Variants in NAV3 observed in about 807,000 individuals in gnomAD.
The protein encoded by NAV3 is pore membrane and/or filament interacting like protein 1.
In NAV3, 87 loss-of-function variants were observed where a neutral mutation model predicts 244.7. The ratio of observed to expected loss-of-function variants is 0.36; its 90% CI spans 0.30 to 0.42. NAV3 has a LOEUF of 0.42. Ranked by LOEUF, NAV3 falls within the 20% of genes least tolerant of loss-of-function variation. NAV3 has a pLI of 1.00. For synonymous variants in NAV3, 1,126 were observed against 1,042.2 expected (o/e 1.08, Z -1.55); for missense variants, 2,663 against 2,893.3 (o/e 0.92, Z 1.83).
At chr12:77,858,847 A>T (rs964893632) in intron 1 of NAV3, among the ~76,000 whole-genome samples, 17 of 152,206 alleles carry the variant, frequency 1.1e-4, no homozygotes, top group African/African-American at 4.1e-4. Context: ...AAATCTAACA[A>T]AGTCTCATTA....
chr12:77,757,442 A>G (rs1869241729), intron 2 of NAV3, among the ~76,000 whole-genome samples: 1 of 152,188 alleles, frequency 6.6e-6, no homozygotes, highest in Non-Finnish European at 1.5e-5. Context: ...CTCTAATTCT[A>G]CAATATCACC....
chr12:77,693,392 C>G (rs1031825468), intron 2 of NAV3, among the ~76,000 whole-genome samples: 1 of 151,896 alleles, frequency 6.6e-6, no homozygotes, highest in Non-Finnish European at 1.5e-5. Flanking sequence ...CAATATTCTG[C>G]ACTGTATAAT....
chr12:77,913,656 T>G (rs1326883063), intron 1 of NAV3, among the ~76,000 whole-genome samples: 1 of 152,096 alleles, frequency 6.6e-6, no homozygotes, highest in Non-Finnish European at 1.5e-5. Context: ...GGAGTGTGTG[T>G]GTGTGAATGA....
intron 9 of NAV3, among the ~76,000 whole-genome samples, chr12:78,031,688 G>C (rs1234922568): frequency 7.2e-6 from 1 of 137,982 alleles, no homozygotes. Context: ...TGAACAATGA[G>C]ATCACATGGA....
chr12:78,001,541 T>C, intron 7 of NAV3, among the ~76,000 whole-genome samples: 1 of 152,356 alleles, frequency 6.6e-6, no homozygotes, highest in East Asian at 1.9e-4. Flanking sequence ...TATGTATGAT[T>C]TGTAAAACAA....
chr12:77,615,681 T>A (rs1233770054), intron 2 of NAV3, among the ~76,000 whole-genome samples: 2 of 152,222 alleles, frequency 1.3e-5, no homozygotes, highest in East Asian at 3.9e-4. Context: ...GATGAACATA[T>A]GAATTCATGT....
intron 24 of NAV3, among the ~76,000 whole-genome samples, chr12:78,171,988 CAT>C (rs1460727109): frequency 6.6e-6 from 1 of 151,384 alleles, no homozygotes; most frequent in Non-Finnish European, 1.5e-5. Flanking sequence ...TGTTTACAAA[CAT>C]ATTTAAACAC....
At chr12:78,127,352 C>T in intron 17 of NAV3, 144 bp downstream of exon 17, 1 of 771,646 alleles carries the variant, frequency 1.3e-6, no homozygotes, top group Non-Finnish European at 2.1e-6. Flanking sequence ...TTTCTCTGGC[C>T]CGAACAGTTG....
chr12:78,192,413 A>AT (rs34351331), intron 34 of NAV3, among the ~76,000 whole-genome samples: 2,892 of 147,112 alleles, frequency 0.02, 90 homozygotes, highest in African/African-American at 0.067. Flanking sequence ...ATTTTTATTT[A>AT]TTTTTTTTTT....
chr12:77,990,686 T>A (rs1039505085), intron 5 of NAV3, among the ~76,000 whole-genome samples: 2 of 152,230 alleles, frequency 1.3e-5, no homozygotes, highest in African/African-American at 4.8e-5. Flanking sequence ...CATCCTTGTG[T>A]TAAAATTTTC....
chr12:77,734,888 A>G (rs1877273854), intron 2 of NAV3, among the ~76,000 whole-genome samples: 1 of 152,194 alleles, frequency 6.6e-6, no homozygotes, highest in Non-Finnish European at 1.5e-5. Context: ...GGCAGGAGCA[A>G]GGTTATTTCC....
intron 2 of NAV3, among the ~76,000 whole-genome samples, chr12:77,778,668 TA>T (rs1378119410): frequency 1.3e-5 from 2 of 152,030 alleles, no homozygotes; most frequent in Non-Finnish European, 2.9e-5. Flanking sequence ...AAAGAGACTT[TA>T]TTTTTTTAAT....
intron 2 of NAV3, among the ~76,000 whole-genome samples, chr12:77,716,757 C>T (rs1043806616): frequency 6.6e-6 from 1 of 151,878 alleles, no homozygotes; most frequent in Non-Finnish European, 1.5e-5. Flanking sequence ...CTAAATCATA[C>T]CATTTATTCT....
chr12:77,767,904 GC>G (rs1449068139), intron 2 of NAV3, among the ~76,000 whole-genome samples: 1 of 152,214 alleles, frequency 6.6e-6, no homozygotes, highest in Non-Finnish European at 1.5e-5. Flanking sequence ...CCACCATTTG[GC>G]AGGTCCCAAG....
intron 2 of NAV3, among the ~76,000 whole-genome samples, chr12:77,587,004 C>T (rs983142042): frequency 1.3e-5 from 2 of 152,122 alleles, no homozygotes; most frequent in African/African-American, 2.4e-5. Flanking sequence ...AGACCCATTA[C>T]TAAATTAGTA....
chr12:77,632,003 A>G (rs1038626254), intron 2 of NAV3, among the ~76,000 whole-genome samples: 4 of 152,204 alleles, frequency 2.6e-5, no homozygotes, highest in African/African-American at 9.7e-5. Context: ...ACACGTGAAC[A>G]GAGTTATGGG....
chr12:78,199,558 T>C (rs2140017339), intron 37 of NAV3, 27 bp downstream of exon 37: 1 of 1,525,300 alleles, frequency 6.6e-7, no homozygotes, highest in Non-Finnish European at 8.8e-7. Context: ...TAATATGCCA[T>C]TTTCCAGGAA....
intron 1 of NAV3, among the ~76,000 whole-genome samples, chr12:77,855,450 A>G (rs1339759259): frequency 6.6e-6 from 1 of 152,174 alleles, no homozygotes; most frequent in Non-Finnish European, 1.5e-5. Flanking sequence ...AAAGGGTATC[A>G]CAATATTTTT....
At chr12:77,795,297 C>T (rs1477551205) in intron 2 of NAV3, among the ~76,000 whole-genome samples, 3 of 152,096 alleles carry the variant, frequency 2.0e-5, no homozygotes, top group Non-Finnish European at 2.9e-5. Context: ...AAAGCAAAGC[C>T]CTAACTGTCT....
Sources: allele counts gnomAD v4.1 joint callset (sites outside exome capture counted in the v4.1 genomes callset), GRCh38; gene constraint gnomAD v4.1.1; transcripts MANE v1.5; gene names NCBI Gene and HGNC (gene_info 2026-07-23, HGNC 2026-07-21).